UROS: variants seen among roughly 807,000 people sequenced by gnomAD.
The protein encoded by UROS is uroporphyrinogen III synthase, also known as uroporphyrinogen-III synthase.
Under a neutral mutation model 33.0 loss-of-function variants are expected in UROS, and 18 were observed. The ratio of observed to expected loss-of-function variants is 0.55; its 90% confidence interval spans 0.38 to 0.81. The LOEUF (loss-of-function observed/expected upper bound fraction) is 0.81. Ranked by LOEUF, UROS falls within the 30% of genes least tolerant of loss-of-function variation. The pLI, the probability that UROS is intolerant of heterozygous loss-of-function variation, is 0.00. For synonymous variants in UROS, 114 were observed against 121.1 expected, an observed-to-expected ratio of 0.94 and a Z score of 0.38; for missense variants, 293 against 314.9, an observed-to-expected ratio of 0.93 and a Z score of 0.53.
At position 125,794,965 on chromosome 10, in the gene UROS, C is replaced by G; in HGVS notation, c.575G>C (p.Ser192Thr). 1 of 1,614,150 alleles carries G rather than the reference C, an allele frequency of 6.2e-7. No homozygotes were observed. The highest frequency in any genetic ancestry group is 8.5e-7 in the Non-Finnish European group (1 of 1,179,982). ...GCCAGAGGGACTAAAAAATGTGATG[C>G]TGGCTGGAACCCCCTGTGGGGAACA... is the stretch of plus-strand genomic sequence containing the variant. ...SYYSQQGVPA[S>T]ITFFSPSGLT... Residue 192 changes from serine to threonine, a missense_variant, in exon 9 of 10, where the codon AGC (serine) becomes ACC (threonine). Coordinates refer to ENST00000368797, the MANE Select transcript of UROS (RefSeq NM_000375.3).
intron 7 of UROS, among the ~76,000 whole-genome samples, chr10:125,797,732 G>C (rs1488055694): frequency 6.6e-6 from 1 of 151,586 alleles, no homozygotes; most frequent in Non-Finnish European, 1.5e-5. Context: ...TCTTCTACAT[G>C]TGGAACCAAT....
At chr10:125,817,512 C>G (rs1853444805) in intron 1 of UROS, among the ~76,000 whole-genome samples, 1 of 151,964 alleles carries the variant, frequency 6.6e-6, no homozygotes, top group South Asian at 2.1e-4. Flanking sequence ...GCTCTGGTCT[C>G]AGCTTTATGA....
intron 7 of UROS, among the ~76,000 whole-genome samples, chr10:125,797,829 C>T (rs774924405): frequency 6.6e-6 from 1 of 152,232 alleles, no homozygotes; most frequent in Non-Finnish European, 1.5e-5. Context: ...TGGAGACACA[C>T]TGTGTGCTCC....
intron 6 of UROS, among the ~76,000 whole-genome samples, chr10:125,801,551 A>C (rs749521371): frequency 3.3e-5 from 5 of 152,258 alleles, no homozygotes; most frequent in Non-Finnish European, 7.3e-5. Flanking sequence ...ATCAAAGTTT[A>C]CTGAGAAAGA....
chr10:125,807,208 G>T (rs1852408602), intron 6 of UROS: 1 of 597,798 alleles, frequency 1.7e-6, no homozygotes, highest in Non-Finnish European at 3.0e-6. Context: ...TTTGGTACAG[G>T]GGGTAGAAGG....
chr10:125,805,269 C>T (rs1271723457), intron 6 of UROS, among the ~76,000 whole-genome samples: 1 of 152,244 alleles, frequency 6.6e-6, no homozygotes, highest in East Asian at 1.9e-4. Flanking sequence ...GTCAAGCACA[C>T]TTACGTCTTC....
intron 5 of UROS, among the ~76,000 whole-genome samples, chr10:125,809,766 T>C (rs1243523880): frequency 1.3e-5 from 2 of 152,230 alleles, no homozygotes. Flanking sequence ...GGTTTCACCA[T>C]GTTGCCCAGG....
chr10:125,795,728 T>C (rs1851297507), intron 8 of UROS, among the ~76,000 whole-genome samples: 1 of 152,180 alleles, frequency 6.6e-6, no homozygotes, highest in Admixed American at 6.5e-5. Context: ...GTTGTATGTA[T>C]CTTCGATGCT....
intron 6 of UROS, among the ~76,000 whole-genome samples, chr10:125,800,401 TG>T (rs1851740579): frequency 6.6e-6 from 1 of 152,178 alleles, no homozygotes; most frequent in East Asian, 1.9e-4. Context: ...GGCATCCTCG[TG>T]TGCGTGCTGG....
intron 6 of UROS, chr10:125,802,061 G>C (rs191155742): frequency 1.0e-6 from 1 of 985,296 alleles, no homozygotes; most frequent in African/African-American, 1.7e-5. Flanking sequence ...GCAATGTCAA[G>C]ATCTACCATT....
At chr10:125,807,810 A>G (rs1449662241) in intron 5 of UROS, among the ~76,000 whole-genome samples, 1 of 152,210 alleles carries the variant, frequency 6.6e-6, no homozygotes, top group African/African-American at 2.4e-5. Flanking sequence ...AATAAGAGCA[A>G]AGTGCTTGCC....
At chr10:125,814,931 T>G in intron 4 of UROS, 103 bp downstream of exon 4, 1 of 1,272,880 alleles carries the variant, frequency 7.9e-7, no homozygotes, top group Non-Finnish European at 1.1e-6. Flanking sequence ...CACTAAGCAC[T>G]CACTTCTCTT....
In UROS at chr10:125,807,436, T is replaced by G; in HGVS notation, c.371A>C (p.Lys124Thr). 6.2e-7 allele frequency: 1 copy of G among 1,614,162 alleles called. No individual in the cohort carries two copies. Among genetic ancestry groups the G allele is most frequent in the Non-Finnish European group, 8.5e-7 (1 of 1,180,014 alleles). The change falls in exon 6 of 10, where the codon AAG becomes ACG. Residue 124 changes from lysine to threonine, a missense_variant. Coordinates refer to ENST00000368797, the MANE Select transcript of UROS (RefSeq NM_000375.3). ...ACTGGAACAAATATATTCTGCAAGC[T>G]TTTCTGCATTTCCACAGGTTTCTCC... ...TEGETCGNAE[K>T]LAEYICSRES...
At chr10:125,819,065 A>G (rs1002186860) in intron 1 of UROS, among the ~76,000 whole-genome samples, 64 of 151,060 alleles carry the variant, frequency 4.2e-4, no homozygotes, top group Non-Finnish European at 7.8e-4. Flanking sequence ...ACTCACTGCA[A>G]CCTCCGCCTC....
intron 1 of UROS, among the ~76,000 whole-genome samples, chr10:125,821,197 G>A (rs1027581018): frequency 2.6e-5 from 4 of 152,188 alleles, no homozygotes; most frequent in Admixed American, 6.5e-5. Flanking sequence ...CATGTTCATA[G>A]CAACATTATT....
chr10:125,786,213 T>G (rs1482532718), downstream of UROS, among the ~76,000 whole-genome samples: 1 of 151,658 alleles, frequency 6.6e-6, no homozygotes, highest in Non-Finnish European at 1.5e-5. Context: ...TATTAAAAAG[T>G]AGGAATGAAG....
At chr10:125,821,715 T>C (rs557656579) in intron 1 of UROS, among the ~76,000 whole-genome samples, 10 of 152,370 alleles carry the variant, frequency 6.6e-5, no homozygotes, top group Non-Finnish European at 1.3e-4. Flanking sequence ...TATGTTCACA[T>C]GGTCTTTCTG....
chr10:125,807,486 C>G lies in UROS; in HGVS notation c.321G>C (p.Val107=). 1 of 1,613,326 alleles carries G rather than the reference C, an allele frequency of 6.2e-7. No homozygotes were observed. The stretch of plus-strand genomic sequence containing the variant: ...CTTCTGTATCCAGGCCAATTTTACT[C>G]ACTGGAAAACCACAAAGAAATGTAT... ...YVVGNATASL[V]SKIGLDTEGE... is the part of the protein sequence containing the mutation. Residue 107 remains valine, a splice_region_variant and synonymous_variant, in exon 6 of 10, where the codon GTG becomes GTC. Coordinates refer to ENST00000368797, the MANE Select transcript of UROS (RefSeq NM_000375.3).
chr10:125,803,060 A>G (rs527662917), intron 6 of UROS: 2 of 1,612,810 alleles, frequency 1.2e-6, no homozygotes, highest in African/African-American at 2.7e-5. Context: ...TTGGACTTGG[A>G]CTAAGTATCT....
Sources: gnomAD v4.1 joint callset for allele counts (sites outside exome capture counted in the v4.1 genomes callset) on GRCh38, gnomAD v4.1.1 for gene constraint, MANE v1.5 for transcripts, NCBI Gene and HGNC (gene_info 2026-07-23, HGNC 2026-07-21) for gene names.